ANKS1B: variants seen among roughly 807,000 people sequenced by gnomAD.
ANKS1B encodes the protein ankyrin repeat and sterile alpha motif domain containing 1B.
In ANKS1B, 36 loss-of-function variants were observed where a neutral mutation model predicts 148.3. The observed-to-expected ratio is 0.24, with a 90% CI of 0.19 to 0.32. The LOEUF (loss-of-function observed/expected upper bound fraction) is 0.32, where lower values mean the gene tolerates loss of function less well. ANKS1B is among the 10% of genes least tolerant of loss of function. The pLI, the probability that ANKS1B is intolerant of heterozygous loss-of-function variation, is 1.00. For synonymous variants in ANKS1B, 542 were observed against 560.8 expected (o/e 0.97, Z 0.47); for missense variants, 1,157 against 1,542.6 (o/e 0.75, Z 4.19).
intron 15 of ANKS1B, 144 bp from the exon 16 acceptor site, chr12:99,085,167 G>C (rs902976040): frequency 8.1e-5 from 54 of 668,556 alleles, no homozygotes; most frequent in Non-Finnish European, 1.3e-4. Flanking sequence ...GTGAGGGTGA[G>C]GGCAGAGTCG....
chr12:98,976,844 C>T (rs1294003518), intron 17 of ANKS1B, among the ~76,000 whole-genome samples: 1 of 152,176 alleles, frequency 6.6e-6, no homozygotes, highest in Non-Finnish European at 1.5e-5. Flanking sequence ...AACAGTTGCT[C>T]ATTTGTAGTT....
rs190242126 is a variant in ANKS1B, at chr12:98,836,185, A to C, written c.2779-4049T>G. ...TAGCTACACTATTGGTTATGTCATC[A>C]TGAGGCTTCTTAAGATGTTGCTTCT... On this transcript the variant is annotated intron_variant, in intron 17 of 26. Coordinates refer to ENST00000683438, the MANE Select transcript of ANKS1B (RefSeq NM_001352186.2). Among the ~76,000 whole-genome samples the C allele has an allele frequency of 7.2e-5, 11 of 152,278 alleles. No homozygotes were observed. The South Asian group carries it at 1.5e-3, about 20-fold the overall frequency.
intron 1 of ANKS1B, among the ~76,000 whole-genome samples, chr12:99,930,162 C>A (rs1378993770): frequency 6.6e-6 from 1 of 151,422 alleles, no homozygotes; most frequent in African/African-American, 2.4e-5. Context: ...TTTGTATCCT[C>A]TTTTATTTCG....
intron 9 of ANKS1B, chr12:99,648,269 T>C (rs1255297870): frequency 6.2e-7 from 1 of 1,614,092 alleles, no homozygotes; most frequent in East Asian, 2.2e-5. Flanking sequence ...CAGCGGCAAC[T>C]GTACAAAGGC....
chr12:99,298,320 G>C (rs1347306383), intron 12 of ANKS1B, among the ~76,000 whole-genome samples: 1 of 152,098 alleles, frequency 6.6e-6, no homozygotes, highest in South Asian at 2.1e-4. Flanking sequence ...GAATCATGGG[G>C]GTGGTTTCCC....
At chr12:99,003,796 C>T (rs1403358898) in intron 17 of ANKS1B, among the ~76,000 whole-genome samples, 1 of 152,146 alleles carries the variant, frequency 6.6e-6, no homozygotes, top group Non-Finnish European at 1.5e-5. Flanking sequence ...CTACCAATGG[C>T]ACATATACCA....
At chr12:98,782,867 A>G (rs567469109) in intron 22 of ANKS1B, among the ~76,000 whole-genome samples, 2 of 152,360 alleles carry the variant, frequency 1.3e-5, no homozygotes, top group African/African-American at 4.8e-5. Flanking sequence ...ATAAGGTTAG[A>G]AACTCGTTTT....
chr12:98,755,712 G>A (rs1438629211), intron 25 of ANKS1B, among the ~76,000 whole-genome samples: 1 of 152,138 alleles, frequency 6.6e-6, no homozygotes, highest in Admixed American at 6.5e-5. Context: ...AGGCTCAGAG[G>A]GGTGAAATAA....
intron 2 of ANKS1B, among the ~76,000 whole-genome samples, chr12:99,815,709 G>C (rs1182925415): frequency 6.6e-6 from 1 of 151,632 alleles, no homozygotes; most frequent in Non-Finnish European, 1.5e-5. Flanking sequence ...CATCCACATA[G>C]CTTAGCTCCC....
chr12:99,463,595 C>A (rs979453852), intron 10 of ANKS1B, among the ~76,000 whole-genome samples: 2 of 152,222 alleles, frequency 1.3e-5, no homozygotes. Flanking sequence ...CCTAATACTG[C>A]GCTTTTCCGA....
chr12:99,523,551 CTTTT>C (rs71088130), intron 9 of ANKS1B, among the ~76,000 whole-genome samples: 2 of 119,634 alleles, frequency 1.7e-5, no homozygotes, highest in Non-Finnish European at 1.7e-5. Context: ...AAGGCATCTT[CTTTT>C]TTTTTTTTTT....
At chr12:98,752,993 G>A (rs181104518) in intron 25 of ANKS1B, among the ~76,000 whole-genome samples, 5 of 152,092 alleles carry the variant, frequency 3.3e-5, no homozygotes, top group African/African-American at 1.2e-4. Flanking sequence ...CAGTGAGCAC[G>A]CAAACAGTGC....
At chr12:99,243,578 G>A (rs965333510) in intron 14 of ANKS1B, among the ~76,000 whole-genome samples, 1 of 152,128 alleles carries the variant, frequency 6.6e-6, no homozygotes, top group Non-Finnish European at 1.5e-5. Context: ...ACATGCACAC[G>A]TATGTTTATT....
At chr12:99,052,697 C>T (rs1307418531) in intron 17 of ANKS1B, among the ~76,000 whole-genome samples, 3 of 128,646 alleles carry the variant, frequency 2.3e-5, no homozygotes, top group South Asian at 2.8e-4. Context: ...CACTGCAGTC[C>T]GCAGTCCGAC....
chr12:98,939,088 C>T (rs12307912), intron 17 of ANKS1B, among the ~76,000 whole-genome samples: 74 of 152,186 alleles, frequency 4.9e-4, no homozygotes, highest in African/African-American at 1.7e-3. Context: ...AAATTAGACT[C>T]GAACTGCATC....
At chr12:99,911,970 AC>A (rs1316139240) in intron 1 of ANKS1B, among the ~76,000 whole-genome samples, 11 of 152,234 alleles carry the variant, frequency 7.2e-5, no homozygotes, top group Admixed American at 5.9e-4. Context: ...AGATTTAAGT[AC>A]CACTTTCACT....
chr12:99,235,590 CAA>C (rs1035417934), intron 14 of ANKS1B, among the ~76,000 whole-genome samples: 50 of 152,282 alleles, frequency 3.3e-4, no homozygotes, highest in African/African-American at 1.1e-3. Context: ...TGGGTTTTGG[CAA>C]AGTCCTCAGT....
At chr12:98,735,349 A>AT (rs528420939) in exon 10 of ANKS1B, 58 of 420,716 alleles carry the variant, frequency 1.4e-4, no homozygotes, top group African/African-American at 2.8e-4. Context: ...AGCTTATATG[A>AT]TTTTTTTGCC....
chr12:99,398,144 T>G (rs2094304185), intron 12 of ANKS1B, among the ~76,000 whole-genome samples: 1 of 152,150 alleles, frequency 6.6e-6, no homozygotes, highest in South Asian at 2.1e-4. Flanking sequence ...ATGACATGCT[T>G]TGATTTACAT....
Sources: allele counts gnomAD v4.1 joint callset (sites outside exome capture counted in the v4.1 genomes callset), GRCh38; gene constraint gnomAD v4.1.1; transcripts MANE v1.5; gene names NCBI Gene and HGNC (gene_info 2026-07-23, HGNC 2026-07-21).